MCM10: variants seen among roughly 807,000 people sequenced by gnomAD.
MCM10 encodes protein MCM10 homolog.
A neutral mutation model predicts 109.9 loss-of-function variants in MCM10; 91 were observed. The ratio of observed to expected loss-of-function variants is 0.83; its 90% CI spans 0.70 to 0.99. The LOEUF is 0.99. MCM10 is among the 50% of genes least tolerant of loss of function. The pLI is 0.00. For missense variants in MCM10, 1,077 were observed against 1,061.2 expected (o/e 1.01, Z -0.21); for synonymous variants, 380 against 387.2 (o/e 0.98, Z 0.22).
intron 1 of MCM10, among the ~76,000 whole-genome samples, chr10:13,163,138 A>G (rs536335420): frequency 6.6e-6 from 1 of 152,028 alleles, no homozygotes; most frequent in South Asian, 2.1e-4. Flanking sequence ...CAGGAGTTCA[A>G]GACCAGCCTG....
rs749086370 is a variant in MCM10, at chr10:13,195,128, C to T, written c.1833C>T (p.Ser611=). The T allele has an allele frequency of 3.8e-5, 62 of 1,614,154 alleles. No homozygotes were observed. The highest frequency in any genetic ancestry group is 5.0e-5 in the Admixed American group (3 of 60,010). The change falls in exon 14 of 20, where the codon TCC becomes TCT. Residue 611 remains serine (S), a synonymous_variant. Transcript: ENST00000378714. ...CTGCTCAGCCTCCACGGACAGGATC[C>T]GAGTTCCCCAGGCTGGAGGGAGCCC... ...QPPAQPPRTG[S]EFPRLEGAPA... is the part of the protein sequence containing the mutation.
intron 9 of MCM10, among the ~76,000 whole-genome samples, chr10:13,187,107 A>T (rs530047176): frequency 6.5e-4 from 99 of 152,326 alleles, no homozygotes; most frequent in African/African-American, 2.3e-3. Context: ...CCCAGAAAGA[A>T]ACCCAGTACC....
Position 13,172,475 on chromosome 10 carries a change from C to T in MCM10, c.449C>T (p.Ser150Phe). The T allele has an allele frequency of 6.2e-7, 1 of 1,613,820 alleles. No homozygotes were observed. The highest frequency in any genetic ancestry group is 1.3e-5 in the African/African-American group (1 of 75,048). ...QTASPARLQK[S>F]PEKSPRPPLK... is the part of the protein sequence containing the mutation. ...GCAAGCCCAGCCCGTCTGCAAAAAT[C>T]CCCTGGTAAGAAGACTGTCATTCTG... The change falls in exon 4 of 20, where the codon TCC (serine) becomes TTC (phenylalanine). Residue 150 changes from serine to phenylalanine, a missense_variant. Physicochemically the swap from Ser to Phe is radical, Grantham distance 155. Coordinates refer to ENST00000378714, the MANE Select transcript of MCM10 (RefSeq NM_018518.5). The surrounding 1 kb of genome is among the most constrained non-coding windows in gnomAD (Gnocchi z 5.2).
Position 13,182,245 on chromosome 10 carries a change from G to C in MCM10, c.931-688G>C, listed in dbSNP as rs145018737. On this transcript the variant is annotated intron_variant, in intron 7 of 19. Coordinates refer to ENST00000378714, the MANE Select transcript of MCM10 (RefSeq NM_018518.5). The surrounding 1 kb of genome is among the most constrained non-coding windows in gnomAD (Gnocchi z 4.2). ...CCCTAACGCTTTGAGAGGATGGGGTGGGAGGATCACTTGAGCCCAGGAATT... is the reference window on the plus strand; with the variant it reads ...CCCTAACGCTTTGAGAGGATGGGGTCGGAGGATCACTTGAGCCCAGGAATT... 9.3e-4 allele frequency among the ~76,000 whole-genome samples: 142 copies of C among 152,176 alleles called. No homozygotes were observed. Among genetic ancestry groups the C allele is most frequent in the African/African-American group, 3.1e-3 (127 of 41,524 alleles).
intron 2 of MCM10, among the ~76,000 whole-genome samples, chr10:13,166,611 G>C (rs1439260361): frequency 7.0e-6 from 1 of 143,116 alleles, no homozygotes; most frequent in African/African-American, 2.6e-5. Context: ...CTCCAGCCTG[G>C]GCAACAAGAG....
At chr10:13,164,659 T>G (rs1030794894) in intron 2 of MCM10, among the ~76,000 whole-genome samples, 1 of 152,234 alleles carries the variant, frequency 6.6e-6, no homozygotes, top group Non-Finnish European at 1.5e-5. Flanking sequence ...AGCTCTGACT[T>G]AAGTTTTTAT....
Position 13,192,371 on chromosome 10 carries a change from A to G in MCM10, c.1627+6A>G, listed in dbSNP as rs370866651. The G allele has an allele frequency of 1.9e-4, 301 of 1,613,666 alleles. 4 individuals are homozygous for G. The South Asian group carries it at 3.2e-3, about 17-fold the overall frequency. ...AGCCAAAGCCACAGCTTCAGGTACC[A>G]TCAGCTGCATGGCCACACGTGTGTC... On this transcript the variant is annotated splice_donor_region_variant and intron_variant, in intron 12 of 19. Transcript: ENST00000378714.
intron 2 of MCM10, among the ~76,000 whole-genome samples, chr10:13,167,111 C>A (rs886663925): frequency 6.6e-6 from 1 of 152,090 alleles, no homozygotes; most frequent in Non-Finnish European, 1.5e-5. Flanking sequence ...TGCACTCCAG[C>A]CTGTGTGACC....
Position 13,172,640 on chromosome 10 carries a change from G to C in MCM10, c.467G>C (p.Arg156Pro). The C allele has an allele frequency of 3.7e-6, 6 of 1,614,022 alleles. No homozygotes were observed. The highest frequency in any genetic ancestry group is 2.2e-5 in the East Asian group (1 of 44,878). ...RLQKSPEKSP[R>P]PPLKERRVQR... Reference sequence around the variant, plus strand: ...TTTGATTAAGTAGAGAAGTCTCCCCGGCCACCTCTTAAGGAGAGGAGAGTT... The same window carrying C: ...TTTGATTAAGTAGAGAAGTCTCCCCCGCCACCTCTTAAGGAGAGGAGAGTT... The change falls in exon 5 of 20, where the codon CGG becomes CCG. Residue 156 changes from arginine to proline, a missense_variant. Physicochemically the swap from Arg to Pro is moderately radical, Grantham distance 103. Transcript: ENST00000378714. This position sits in a 1 kb window ranked among gnomAD's most constrained non-coding sequence, Gnocchi z 5.2.
chr10:13,172,485 G>A lies in MCM10; in HGVS notation c.454+5G>A, dbSNP rs768678291. 1.9e-5 allele frequency: 30 copies of A among 1,612,892 alleles called. No homozygotes were observed. The highest frequency in any genetic ancestry group is 2.4e-5 in the Non-Finnish European group (28 of 1,179,224). On this transcript the variant is annotated splice_donor_5th_base_variant and intron_variant, in intron 4 of 19. Coordinates refer to ENST00000378714, the MANE Select transcript of MCM10 (RefSeq NM_018518.5). The surrounding 1 kb of genome is among the most constrained non-coding windows in gnomAD (Gnocchi z 5.2). ...CCCGTCTGCAAAAATCCCCTGGTAA[G>A]AAGACTGTCATTCTGGCAATCGTGT... is the stretch of plus-strand genomic sequence containing the variant.
Position 13,182,604 on chromosome 10 carries a change from G to C in MCM10, c.931-329G>C, listed in dbSNP as rs1486007975. ...CCTTCCACTGTCCTTTTAATGATGTGTGTGTGTGTCTCTGTGTCATTAGAA... is the reference window on the plus strand; with the variant it reads ...CCTTCCACTGTCCTTTTAATGATGTCTGTGTGTGTCTCTGTGTCATTAGAA... On this transcript the variant is annotated intron_variant, in intron 7 of 19. Coordinates refer to ENST00000378714, the MANE Select transcript of MCM10 (RefSeq NM_018518.5). This position sits in a 1 kb window ranked among gnomAD's most constrained non-coding sequence, Gnocchi z 4.2. Among the ~76,000 whole-genome samples, 3 of 152,068 alleles carry C rather than the reference G, an allele frequency of 2.0e-5. No individual in the cohort carries two copies. The highest frequency in any genetic ancestry group is 4.4e-5 in the Non-Finnish European group (3 of 68,028).
rs1215753451 is a variant in MCM10 at position 13,182,172 on chromosome 10, T to G, written c.931-761T>G. Reference sequence around the variant, plus strand: ...TAGCCTAGAAAGGAAACTTCTTTTTTCATATTAATAATAGACTTAGGCTAG... The same window carrying G: ...TAGCCTAGAAAGGAAACTTCTTTTTGCATATTAATAATAGACTTAGGCTAG... On this transcript the variant is annotated intron_variant, in intron 7 of 19. Coordinates refer to ENST00000378714, the MANE Select transcript of MCM10 (RefSeq NM_018518.5). The surrounding 1 kb of genome is among the most constrained non-coding windows in gnomAD (Gnocchi z 4.2). Among the ~76,000 whole-genome samples, 1 of 152,158 alleles carries G rather than the reference T, an allele frequency of 6.6e-6. No homozygotes were observed. Among genetic ancestry groups the G allele is most frequent in the Non-Finnish European group, 1.5e-5 (1 of 68,038 alleles).
chr10:13,183,799 T>C (rs1314495027), intron 8 of MCM10, among the ~76,000 whole-genome samples: 2 of 152,090 alleles, frequency 1.3e-5, no homozygotes, highest in Non-Finnish European at 2.9e-5. Context: ...ATACTTCCAC[T>C]TCTGCCTCCT....
Position 13,172,709 on chromosome 10 carries a change from T to A in MCM10, c.536T>A (p.Val179Asp), listed in dbSNP as rs1445154574. 1 of 1,614,132 alleles carries A rather than the reference T, an allele frequency of 6.2e-7. No individual in the cohort carries two copies. The highest frequency in any genetic ancestry group is 1.7e-5 in the Admixed American group (1 of 60,020). The change falls in exon 5 of 20, where the codon GTC (valine) becomes GAC (aspartate). Residue 179 changes from valine to aspartate, a missense_variant. Val to Asp is a radical substitution (Grantham distance 152). Transcript: ENST00000378714. This position sits in a 1 kb window ranked among gnomAD's most constrained non-coding sequence, Gnocchi z 5.2. ...ACATGCTTTTCTGCGGAGCTTGATG[T>A]CCCTGCGCTACCAAGAACCAAGAGG... ...ESTCFSAELD[V>D]PALPRTKRVA...
At position 13,191,306 on chromosome 10, in the gene MCM10, G is replaced by A. The variant is rs1418160802; in HGVS notation, c.1423G>A (p.Ala475Thr). 6.2e-7 allele frequency: 1 copy of A among 1,613,194 alleles called. No individual in the cohort carries two copies. The highest frequency in any genetic ancestry group is 1.1e-5 in the South Asian group (1 of 91,042). Residue 475 changes from alanine (A) to threonine (T), a missense_variant, in exon 11 of 20, where the codon GCT (alanine) becomes ACT (threonine). Ala to Thr is a moderately conservative substitution (Grantham distance 58, BLOSUM62 0). Transcript: ENST00000378714. ...SASYAASIAA[A>T]VAPKKKIQTT... ...GGTGACTTGTCATTTCAGTGCAGCA[G>A]CTGTGGCTCCTAAGAAGAAGATTCA...
intron 8 of MCM10, among the ~76,000 whole-genome samples, 174 bp from the exon 9 acceptor site, chr10:13,185,990 G>C (rs564839278): frequency 5.0e-4 from 76 of 152,212 alleles, no homozygotes; most frequent in African/African-American, 1.7e-3. Flanking sequence ...TCAAACTCTT[G>C]GCCTCAAGCG....
At chr10:13,181,958 T>C (rs1834215572) in intron 7 of MCM10, among the ~76,000 whole-genome samples, 1 of 152,184 alleles carries the variant, frequency 6.6e-6, no homozygotes, top group South Asian at 2.1e-4. Context: ...TGTGAGATAG[T>C]GCAAGTCAAG....
At chr10:13,161,990 G>T (rs571855680) in intron 1 of MCM10, among the ~76,000 whole-genome samples, 1 of 152,238 alleles carries the variant, frequency 6.6e-6, no homozygotes, top group South Asian at 2.1e-4. Flanking sequence ...TCACATTTCC[G>T]CTGCCTTCAC....
chr10:13,200,325 C>T (rs951942622), intron 16 of MCM10, among the ~76,000 whole-genome samples: 4 of 152,242 alleles, frequency 2.6e-5, no homozygotes, highest in Non-Finnish European at 4.4e-5. Context: ...TTGGTTGTGT[C>T]GGTGACTGTC....
Sources: gnomAD v4.1 joint callset for allele counts (sites outside exome capture counted in the v4.1 genomes callset) on GRCh38, gnomAD v4.1.1 for gene constraint, Gnocchi (gnomAD v3.1) non-coding constraint, MANE v1.5 for transcripts, NCBI Gene and HGNC (gene_info 2026-07-23, HGNC 2026-07-21) for gene names.